The following CCDC13 variants were observed in gnomAD, a reference collection of about 807,000 sequenced individuals.
CCDC13 encodes the protein coiled-coil domain containing 13.
A neutral mutation model predicts 87.3 loss-of-function variants in CCDC13; 70 were observed. The observed-to-expected ratio is 0.80, with a 90% CI of 0.66 to 0.98. The LOEUF (loss-of-function observed/expected upper bound fraction) is 0.98, where lower values mean the gene tolerates loss of function less well. CCDC13 is among the 50% of genes least tolerant of loss of function. The pLI, the probability that CCDC13 is intolerant of heterozygous loss-of-function variation, is 0.00. For missense variants in CCDC13, 842 were observed against 892.0 expected (o/e 0.94, Z 0.71); for synonymous variants, 317 against 360.3 (o/e 0.88, Z 1.36).
intron 7 of CCDC13, among the ~76,000 whole-genome samples, chr3:42,744,661 C>T (rs963527088): frequency 5.3e-5 from 8 of 151,748 alleles, no homozygotes; most frequent in African/African-American, 1.2e-4. Flanking sequence ...AAAAATTAGC[C>T]GGGCGTGGTG....
intron 9 of CCDC13, among the ~76,000 whole-genome samples, chr3:42,739,395 AGTGCCTT>A (rs1415906668): frequency 6.6e-6 from 1 of 152,180 alleles, no homozygotes; most frequent in Non-Finnish European, 1.5e-5. Flanking sequence ...CCATAGGCCC[AGTGCCTT>A]GTGCCTGGTG....
intron 14 of CCDC13, 85 bp from the exon 15 acceptor site, chr3:42,709,883 C>T: frequency 1.0e-6 from 1 of 1,004,936 alleles, no homozygotes; most frequent in Non-Finnish European, 1.6e-6. Context: ...TTGCCCACTG[C>T]CTGCTCTTCC....
intron 13 of CCDC13, among the ~76,000 whole-genome samples, chr3:42,725,407 G>T (rs1698663620): frequency 6.6e-6 from 1 of 151,978 alleles, no homozygotes; most frequent in African/African-American, 2.4e-5. Flanking sequence ...GTTGGCATGT[G>T]CCTGTGGTCC....
chr3:42,747,164 A>G (rs1262786030), intron 6 of CCDC13, 93 bp downstream of exon 6: 2 of 940,326 alleles, frequency 2.1e-6, no homozygotes, highest in African/African-American at 3.2e-5. Context: ...CTGAGCACTC[A>G]TGGCTCCAGA....
chr3:42,733,110 T>G (rs952390977), intron 11 of CCDC13, 140 bp from the exon 12 acceptor site: 2 of 689,692 alleles, frequency 2.9e-6, no homozygotes, highest in African/African-American at 3.6e-5. Context: ...TTGCTGCCCT[T>G]CTTTCCAGAA....
chr3:42,713,931 G>A (rs1698371525), intron 13 of CCDC13: 6 of 152,210 alleles, frequency 3.9e-5, no homozygotes. Context: ...GCTGACCTGG[G>A]CTCTTATCTG....
intron 1 of CCDC13, among the ~76,000 whole-genome samples, chr3:42,763,059 C>G (rs887319411): frequency 1.3e-5 from 2 of 152,180 alleles, no homozygotes; most frequent in East Asian, 3.8e-4. Context: ...CAGAGTGACT[C>G]CAGGGCTGCC....
At chr3:42,738,313 GC>G (rs1264563495) in intron 9 of CCDC13, among the ~76,000 whole-genome samples, 1 of 152,208 alleles carries the variant, frequency 6.6e-6, no homozygotes, top group Non-Finnish European at 1.5e-5. Flanking sequence ...GGTTACTGTA[GC>G]CTTGTAGTAT....
chr3:42,728,882 T>G (rs1387040879), intron 13 of CCDC13, among the ~76,000 whole-genome samples: 1 of 152,092 alleles, frequency 6.6e-6, no homozygotes, highest in Non-Finnish European at 1.5e-5. Context: ...TGTGACTGGG[T>G]GTGAGCACCT....
intron 14 of CCDC13, 34 bp downstream of exon 14, chr3:42,713,128 C>T (rs558135348): frequency 2.7e-5 from 44 of 1,604,800 alleles, no homozygotes; most frequent in Non-Finnish European, 3.4e-5. Flanking sequence ...ACTGCCTCCA[C>T]CCCCTGCACT....
chr3:42,772,868 G>A (rs1357661080), intron 1 of CCDC13, among the ~76,000 whole-genome samples: 1 of 152,238 alleles, frequency 6.6e-6, no homozygotes, highest in Non-Finnish European at 1.5e-5. Flanking sequence ...CTTGTCAGGC[G>A]GACCTGAGTT....
intron 14 of CCDC13, among the ~76,000 whole-genome samples, chr3:42,710,555 C>T (rs1461368418): frequency 6.6e-6 from 1 of 152,174 alleles, no homozygotes; most frequent in Non-Finnish European, 1.5e-5. Context: ...AAAAAGGAGA[C>T]AAAGTGGCCC....
At chr3:42,745,085 T>C (rs1699356658) in intron 7 of CCDC13, 1 of 152,096 alleles carries the variant, frequency 6.6e-6, no homozygotes, top group South Asian at 2.1e-4. Flanking sequence ...TTTCCCCCTT[T>C]ATATTGGCTT....
rs150861642 is a variant in CCDC13 at position 42,758,238 on chromosome 3, T to G, written c.108A>C (p.Lys36Asn). 6.8e-6 allele frequency: 11 copies of G among 1,613,774 alleles called. No individual in the cohort carries two copies. Among genetic ancestry groups the G allele is most frequent in the Non-Finnish European group, 9.3e-6 (11 of 1,180,016 alleles). Residue 36 changes from lysine (K) to asparagine (N), a missense_variant, in exon 2 of 16, where the codon AAA becomes AAC. Physicochemically the swap from Lys to Asn is moderately conservative, Grantham distance 94. Transcript: ENST00000310232. ...CAGCTCTGCTTTTGAGGCTCAGTTC[T>G]TTTTCCCTCTTTTTCTCCATCTGCT... ...LQKQMEKKRE[K>N]ELSLKSRADD...
chr3:42,709,715 C>T lies in CCDC13; in HGVS notation c.1957G>A (p.Val653Met), dbSNP rs1192127179. Residue 653 changes from valine to methionine, a missense_variant, in exon 15 of 16, where the codon GTG becomes ATG. By Grantham distance (21) the Val-to-Met change is conservative. Transcript: ENST00000310232. ...PSFAQLSDVP[V>M]ESQMEELTTR... ...GTCAGCTCTTCCATTTGGGATTCCA[C>T]GGGCACATCGGAGAGCTGGGCAAAG... The T allele has an allele frequency of 1.4e-5, 23 of 1,614,004 alleles. No homozygotes were observed. The East Asian group carries it at 1.6e-4, about 11-fold the overall frequency.
chr3:42,709,378 G>A (rs1698248387), intron 15 of CCDC13, among the ~76,000 whole-genome samples: 1 of 152,370 alleles, frequency 6.6e-6, no homozygotes, highest in African/African-American at 2.4e-5. Flanking sequence ...AATTTGTAGA[G>A]GTTCCCGTCT....
intron 14 of CCDC13, among the ~76,000 whole-genome samples, chr3:42,710,213 G>A (rs959989788): frequency 1.3e-5 from 2 of 151,042 alleles, no homozygotes; most frequent in Admixed American, 6.6e-5. Flanking sequence ...GGGTTCAAGC[G>A]ATTCTTGTGC....
At chr3:42,745,825 G>T in intron 7 of CCDC13, 98 bp downstream of exon 7, 2 of 888,750 alleles carry the variant, frequency 2.3e-6, no homozygotes, top group Admixed American at 2.4e-5. Context: ...CCTTTTTTGG[G>T]TACTGTGTGC....
intron 3 of CCDC13, among the ~76,000 whole-genome samples, chr3:42,753,961 C>T (rs1699646167): frequency 6.6e-6 from 1 of 152,150 alleles, no homozygotes. Context: ...GCACCGGGAG[C>T]TAGTCCAGCA....
Sources: allele counts gnomAD v4.1 joint callset (sites outside exome capture counted in the v4.1 genomes callset), GRCh38; gene constraint gnomAD v4.1.1; transcripts MANE v1.5; gene names NCBI Gene and HGNC (gene_info 2026-07-23, HGNC 2026-07-21).